Variants in SUGCT observed in about 807,000 individuals in gnomAD.
SUGCT encodes succinyl-CoA:glutarate-CoA transferase.
A neutral mutation model predicts 55.0 loss-of-function variants in SUGCT; 41 were observed. The observed-to-expected ratio is 0.74, with a 90% CI of 0.58 to 0.97. The LOEUF is 0.97. SUGCT is among the 50% of genes least tolerant of loss of function. The pLI is 0.00. For missense variants in SUGCT, 568 were observed against 547.8 expected, an observed-to-expected ratio of 1.04 and a Z score of -0.37; for synonymous variants, 187 against 200.4, an observed-to-expected ratio of 0.93 and a Z score of 0.56.
chr7:40,904,514 A>G, the SUGCT span, among the ~76,000 whole-genome samples: 1 of 152,238 alleles, frequency 6.6e-6, no homozygotes, highest in Non-Finnish European at 1.5e-5. Flanking sequence ...AGAAAGTAGA[A>G]TGGCCGTTTC....
chr7:40,571,968 G>A (rs1386624115), intron 12 of SUGCT, among the ~76,000 whole-genome samples: 1 of 152,156 alleles, frequency 6.6e-6, no homozygotes, highest in African/African-American at 2.4e-5. Context: ...TGCTTTGGGG[G>A]TCAGAAGCTG....
At chr7:40,827,478 G>A (rs1459630619) in intron 13 of SUGCT, among the ~76,000 whole-genome samples, 1 of 152,130 alleles carries the variant, frequency 6.6e-6, no homozygotes, top group Non-Finnish European at 1.5e-5. Flanking sequence ...AGGCTGAAGT[G>A]TCATTTCCCT....
chr7:40,230,369 T>C (rs955493243), intron 6 of SUGCT, among the ~76,000 whole-genome samples: 1 of 152,190 alleles, frequency 6.6e-6, no homozygotes, highest in Non-Finnish European at 1.5e-5. Context: ...TCACAAACAA[T>C]TCAGTATGTC....
chr7:40,629,980 A>G (rs771941678), intron 12 of SUGCT, among the ~76,000 whole-genome samples: 2 of 152,172 alleles, frequency 1.3e-5, no homozygotes, highest in Non-Finnish European at 2.9e-5. Context: ...AAAGCCTAGC[A>G]CTTCAGGAGA....
At chr7:40,323,174 CAT>C (rs1795843130) in intron 9 of SUGCT, among the ~76,000 whole-genome samples, 1 of 152,060 alleles carries the variant, frequency 6.6e-6, no homozygotes, top group Non-Finnish European at 1.5e-5. Flanking sequence ...GTAAAATCCA[CAT>C]AGAGGACCCT....
At chr7:40,898,498 T>G in the SUGCT span, among the ~76,000 whole-genome samples, 1,784 of 29,062 alleles carry the variant, frequency 0.061, 1 homozygote, top group Admixed American at 0.098. Context: ...GGGGGGGGGG[T>G]GGATCACGAG....
At chr7:40,792,071 A>G (rs1405937763) in intron 13 of SUGCT, among the ~76,000 whole-genome samples, 3 of 152,190 alleles carry the variant, frequency 2.0e-5, no homozygotes, top group African/African-American at 7.2e-5. Flanking sequence ...AAGCATTGCC[A>G]CAGAAAATTT....
At chr7:40,334,262 A>G (rs1461190325) in intron 9 of SUGCT, among the ~76,000 whole-genome samples, 1 of 152,194 alleles carries the variant, frequency 6.6e-6, no homozygotes, top group Admixed American at 6.5e-5. Context: ...TTGGGTATAT[A>G]CCCAGTAATG....
intron 9 of SUGCT, among the ~76,000 whole-genome samples, chr7:40,353,838 A>C (rs1339550255): frequency 6.6e-6 from 1 of 152,170 alleles, no homozygotes; most frequent in Non-Finnish European, 1.5e-5. Flanking sequence ...ACTTCTGATA[A>C]AATTGGATAT....
At chr7:40,155,352 A>G (rs1327417509) in intron 1 of SUGCT, among the ~76,000 whole-genome samples, 3 of 151,998 alleles carry the variant, frequency 2.0e-5, no homozygotes, top group African/African-American at 7.2e-5. Context: ...ATTAAAAGAA[A>G]TGTTTTCTTC....
intron 13 of SUGCT, among the ~76,000 whole-genome samples, chr7:40,765,596 A>G (rs1246238092): frequency 6.6e-6 from 1 of 152,190 alleles, no homozygotes; most frequent in Non-Finnish European, 1.5e-5. Flanking sequence ...AAAATGAGCT[A>G]TTTAGAAAAA....
intron 13 of SUGCT, among the ~76,000 whole-genome samples, chr7:40,757,810 CAGA>C (rs1483084292): frequency 6.6e-6 from 1 of 152,138 alleles, no homozygotes; most frequent in African/African-American, 2.4e-5. Context: ...GCTATTGTGT[CAGA>C]AGATGTATCA....
At chr7:40,867,125 T>A in the SUGCT span, among the ~76,000 whole-genome samples, 10 of 136,290 alleles carry the variant, frequency 7.3e-5, no homozygotes, top group African/African-American at 2.5e-4. Flanking sequence ...GAACTCCTTA[T>A]ATATATATAA....
chr7:40,901,346 C>T, the SUGCT span, among the ~76,000 whole-genome samples: 2 of 152,208 alleles, frequency 1.3e-5, no homozygotes, highest in South Asian at 4.1e-4. Context: ...CTTCCTTGGC[C>T]AGGCAAATGT....
At chr7:40,378,828 T>C (rs545719273) in intron 9 of SUGCT, among the ~76,000 whole-genome samples, 1 of 152,342 alleles carries the variant, frequency 6.6e-6, no homozygotes, top group East Asian at 1.9e-4. Context: ...TCTCCGAACA[T>C]ATTTTACACA....
At chr7:41,033,830 CCCCGTGTGCTGAGCTGGT>C in the SUGCT span, among the ~76,000 whole-genome samples, 1 of 151,864 alleles carries the variant, frequency 6.6e-6, no homozygotes, top group Admixed American at 6.6e-5. Context: ...GCTGAGCTGG[CCCCGTGTGCTGAGCTGGT>C]CCCCATCTGA....
chr7:40,747,547 C>A (rs1203314688), intron 12 of SUGCT, among the ~76,000 whole-genome samples: 2 of 152,128 alleles, frequency 1.3e-5, no homozygotes, highest in Non-Finnish European at 2.9e-5. Context: ...GCTGTAGAAC[C>A]ATTATAGCTG....
chr7:40,837,506 TTAGA>T (rs778110863), intron 13 of SUGCT, among the ~76,000 whole-genome samples: 16 of 152,338 alleles, frequency 1.1e-4, no homozygotes, highest in Non-Finnish European at 2.4e-4. Flanking sequence ...TCACCTAGTC[TTAGA>T]TAAAGATTTT....
intron 13 of SUGCT, among the ~76,000 whole-genome samples, chr7:40,842,456 A>T (rs1252410491): frequency 6.6e-6 from 1 of 152,148 alleles, no homozygotes; most frequent in Non-Finnish European, 1.5e-5. Context: ...TTAACATCTA[A>T]ACAAATTAAA....
Sources: allele counts gnomAD v4.1 joint callset (sites outside exome capture counted in the v4.1 genomes callset), GRCh38; gene constraint gnomAD v4.1.1; transcripts MANE v1.5; gene names NCBI Gene and HGNC (gene_info 2026-07-23, HGNC 2026-07-21).